Variants in TGFBR2 observed in about 807,000 individuals in gnomAD.
The protein encoded by TGFBR2 is TGF-beta receptor type-2.
TGFBR2 carries 18 observed loss-of-function variants against 49.0 expected under a neutral mutation model. The ratio of observed to expected loss-of-function variants is 0.37; its 90% CI spans 0.25 to 0.54. TGFBR2 has a LOEUF of 0.54. Ranked by LOEUF, TGFBR2 falls within the 20% of genes least tolerant of loss-of-function variation. TGFBR2 has a pLI of 0.85. For missense variants in TGFBR2, 525 were observed against 722.6 expected, an observed-to-expected ratio of 0.73 and a Z score of 3.13; for synonymous variants, 282 against 275.9, an observed-to-expected ratio of 1.02 and a Z score of -0.22.
In TGFBR2 at chr3:30,691,732, G is replaced by A; in HGVS notation, c.*133G>A. On this transcript the variant is annotated 3_prime_UTR_variant, in exon 7 of 7. Coordinates refer to ENST00000295754, the MANE Select transcript of TGFBR2 (RefSeq NM_003242.6). ...GGTCACTCCCCTCCCTGTAAGCTGT[G>A]GGGATAAGCAGAAACAACAGCAGCA... 1 of 974,990 alleles carries A rather than the reference G, an allele frequency of 1.0e-6. No homozygotes were observed. Among genetic ancestry groups the A allele is most frequent in the Non-Finnish European group, 1.6e-6 (1 of 621,522 alleles). 60.4% of individuals were successfully genotyped at this position (974,990 alleles called of 1,614,324 possible).
At chr3:30,648,461 C>CACACACAT (rs760495841) in intron 2 of TGFBR2, among the ~76,000 whole-genome samples, 10 of 79,284 alleles carry the variant, frequency 1.3e-4, no homozygotes, top group African/African-American at 3.9e-4. Context: ...CACACACACA[C>CACACACAT]AAAACTGTGG....
In TGFBR2 at chr3:30,607,799, A is replaced by ATAT. The variant is rs1553624166; in HGVS notation, c.94+822_94+823insTAT. Among the ~76,000 whole-genome samples the ATAT allele has an allele frequency of 1.3e-3, 181 of 138,308 alleles. 1 individual carries two copies. Among genetic ancestry groups the ATAT allele is most frequent in the African/African-American group, 4.6e-3 (170 of 36,904 alleles). 90.7% of individuals were successfully genotyped at this position (138,308 alleles called of 152,430 possible). On this transcript the variant is annotated intron_variant, in intron 1 of 6. Coordinates refer to ENST00000295754, the MANE Select transcript of TGFBR2 (RefSeq NM_003242.6). ...TTTAAGGAAAAAATAAAAATAAAAA[A>ATAT]ATATATATATATATTATATATATAT...
At chr3:30,620,977 T>A (rs190684426) in intron 1 of TGFBR2, among the ~76,000 whole-genome samples, 1 of 152,264 alleles carries the variant, frequency 6.6e-6, no homozygotes, top group Admixed American at 6.5e-5. Context: ...CCTGGGTGCT[T>A]AATAGGAGTG....
chr3:30,641,567 C>T (rs1466972443), intron 1 of TGFBR2, among the ~76,000 whole-genome samples: 1 of 152,084 alleles, frequency 6.6e-6, no homozygotes, highest in Non-Finnish European at 1.5e-5. Context: ...TCTGCTGTAA[C>T]AAGGAGAAAA....
At chr3:30,663,828 C>T (rs1013272441) in intron 3 of TGFBR2, among the ~76,000 whole-genome samples, 1 of 152,046 alleles carries the variant, frequency 6.6e-6, no homozygotes, top group Admixed American at 6.6e-5. Flanking sequence ...TTTTCTGTAT[C>T]TGTGTTTTAT....
At position 30,672,236 on chromosome 3, in the gene TGFBR2, C is replaced by A. The variant is rs1472277404; in HGVS notation, c.1053C>A (p.Gly351=). 1 of 1,606,570 alleles carries A rather than the reference C, an allele frequency of 6.2e-7. No individual in the cohort carries two copies. Among genetic ancestry groups the A allele is most frequent in the South Asian group, 1.1e-5 (1 of 90,328 alleles). Residue 351 remains glycine, a synonymous_variant, in exon 4 of 7, where the codon GGC becomes GGA. Transcript: ENST00000295754. The surrounding 1 kb of genome is among the most constrained non-coding windows in gnomAD (Gnocchi z 4.5). ...VISWEDLRKL[G]SSLARGIAHL... is the part of the protein sequence containing the mutation. ...GCTGGGAGGACCTGCGCAAGCTGGG[C>A]AGCTCCCTCGCCCGGGGGATTGCTC...
intron 5 of TGFBR2, among the ~76,000 whole-genome samples, chr3:30,681,821 C>G (rs1699546992): frequency 6.6e-6 from 1 of 152,016 alleles, no homozygotes; most frequent in Admixed American, 6.5e-5. Context: ...TGCCTCCAAC[C>G]CTGGAACAAG....
Position 30,676,585 on chromosome 3 carries a change from TG to T in TGFBR2, c.1396+2340del, listed in dbSNP as rs2125441558. The stretch of plus-strand genomic sequence containing the variant: ...CCAGTATTGTCATTATTTATTTTGT[TG>T]CTCAGGTTGCCACAGCTTGGGTCAC... On this transcript the variant is annotated intron_variant, in intron 5 of 6. Coordinates refer to ENST00000295754, the MANE Select transcript of TGFBR2 (RefSeq NM_003242.6). The surrounding 1 kb of genome is among the most constrained non-coding windows in gnomAD (Gnocchi z 4.3). Among the ~76,000 whole-genome samples, 1 of 152,352 alleles carries T rather than the reference TG, an allele frequency of 6.6e-6. No individual in the cohort carries two copies. The highest frequency in any genetic ancestry group is 2.4e-5 in the African/African-American group (1 of 41,586).
chr3:30,680,682 G>C (rs957289223), intron 5 of TGFBR2, among the ~76,000 whole-genome samples: 4 of 150,468 alleles, frequency 2.7e-5, no homozygotes, highest in Non-Finnish European at 5.9e-5. Flanking sequence ...TCCTCTGAAA[G>C]AATACAAAAG....
At chr3:30,683,631 T>A (rs879586600) in intron 5 of TGFBR2, among the ~76,000 whole-genome samples, 1 of 152,248 alleles carries the variant, frequency 6.6e-6, no homozygotes, top group Non-Finnish European at 1.5e-5. Flanking sequence ...TGTTTAGTCA[T>A]TTCATAGTTT....
intron 2 of TGFBR2, among the ~76,000 whole-genome samples, chr3:30,648,857 G>A (rs1698826092): frequency 6.6e-6 from 1 of 152,078 alleles, no homozygotes; most frequent in Admixed American, 6.6e-5. Flanking sequence ...TTATCCCTTT[G>A]TCAACATATT....
intron 5 of TGFBR2, among the ~76,000 whole-genome samples, chr3:30,679,552 G>C (rs114973498): frequency 0.017 from 2,662 of 152,262 alleles, 68 homozygotes; most frequent in African/African-American, 0.059. Context: ...AGAGAGAAAG[G>C]CTTCTTATTG....
chr3:30,619,030 T>G (rs1436561390), intron 1 of TGFBR2, among the ~76,000 whole-genome samples: 1 of 152,220 alleles, frequency 6.6e-6, no homozygotes, highest in East Asian at 1.9e-4. Context: ...CAGTTTCTGA[T>G]GTTTCCAAAT....
In TGFBR2 at chr3:30,650,738, C is replaced by T. The variant is rs11466498; in HGVS notation, c.454+278C>T. 4.3e-3 allele frequency among the ~76,000 whole-genome samples: 662 copies of T among 152,268 alleles called. 4 individuals carry two copies. The highest frequency in any genetic ancestry group is 0.015 in the African/African-American group (630 of 41,550). ...CTCAAAGTGCGGCCTCTTGAGCAGCCAGCATCAGTATCACCTGGGAACCTG... is the reference window on the plus strand; with the variant it reads ...CTCAAAGTGCGGCCTCTTGAGCAGCTAGCATCAGTATCACCTGGGAACCTG... On this transcript the variant is annotated intron_variant, in intron 3 of 6. Transcript: ENST00000295754.
In TGFBR2 at chr3:30,672,814, G is replaced by A. The variant is rs1243671840; in HGVS notation, c.1254+377G>A. On this transcript the variant is annotated intron_variant, in intron 4 of 6. Coordinates refer to ENST00000295754, the MANE Select transcript of TGFBR2 (RefSeq NM_003242.6). This position sits in a 1 kb window ranked among gnomAD's most constrained non-coding sequence, Gnocchi z 4.5. ...TCTGCTCTATACTAGCTGTAGTTGT[G>A]TTGGTTTCTTTGTATTAAAAGCATC... Among the ~76,000 whole-genome samples the A allele has an allele frequency of 6.6e-6, 1 of 152,100 alleles. No individual in the cohort carries two copies. The highest frequency in any genetic ancestry group is 1.5e-5 in the Non-Finnish European group (1 of 68,030).
chr3:30,652,540 T>A (rs1206359235), intron 3 of TGFBR2, among the ~76,000 whole-genome samples: 1 of 152,154 alleles, frequency 6.6e-6, no homozygotes, highest in African/African-American at 2.4e-5. Flanking sequence ...GGCCTCATGT[T>A]CTTTATGTGA....
chr3:30,677,964 G>A (rs1699468694), intron 5 of TGFBR2, among the ~76,000 whole-genome samples: 1 of 152,208 alleles, frequency 6.6e-6, no homozygotes, highest in African/African-American at 2.4e-5. Flanking sequence ...GATGTAAAAG[G>A]TCTTTCCTTA....
intron 1 of TGFBR2, among the ~76,000 whole-genome samples, chr3:30,636,379 C>G (rs1388259905): frequency 6.6e-6 from 1 of 152,006 alleles, no homozygotes; most frequent in East Asian, 1.9e-4. Context: ...TGCTTTTGAG[C>G]TTATCTCTTT....
At chr3:30,618,388 CTTGACTAATTTTGTTG>C (rs1347169177) in intron 1 of TGFBR2, among the ~76,000 whole-genome samples, 2 of 152,050 alleles carry the variant, frequency 1.3e-5, no homozygotes, top group African/African-American at 4.8e-5. Context: ...CACCAACACA[CTTGACTAATTTTGTTG>C]TTGTTGTATT....
Sources: allele counts gnomAD v4.1 joint callset (sites outside exome capture counted in the v4.1 genomes callset), GRCh38; gene constraint gnomAD v4.1.1; non-coding constraint Gnocchi (gnomAD v3.1); transcripts MANE v1.5; gene names NCBI Gene and HGNC (gene_info 2026-07-23, HGNC 2026-07-21).